Variants in CDH23 observed in about 807,000 individuals in gnomAD.
The protein encoded by CDH23 is cadherin related 23, also known as cadherin-23.
In CDH23, 189 loss-of-function variants were observed where a neutral mutation model predicts 317.1. The observed-to-expected ratio is 0.60, with a 90% CI of 0.53 to 0.67. The LOEUF is 0.67. Ranked by LOEUF, CDH23 falls within the 30% of genes least tolerant of loss-of-function variation. CDH23 has a pLI of 0.00. For missense variants in CDH23, 4,401 were observed against 4,592.4 expected (o/e 0.96, Z 1.20); for synonymous variants, 1,839 against 1,876.8 (o/e 0.98, Z 0.52).
chr10:71,815,255 C>A lies in CDH23; in HGVS notation c.10042C>A (p.Pro3348Thr), dbSNP rs745358868. 1.3e-5 allele frequency: 20 copies of A among 1,580,084 alleles called. No individual in the cohort carries two copies. Among genetic ancestry groups the A allele is most frequent in the Non-Finnish European group, 1.6e-5 (19 of 1,158,686 alleles). The change falls in exon 70 of 70, where the codon CCC (proline) becomes ACC (threonine). Residue 3348 changes from proline to threonine, a missense_variant. Physicochemically the swap from Pro to Thr is conservative, Grantham distance 38. Transcript: ENST00000224721. ...ACTTCGCGACGTGATCATGGAGACCCCCCTGGAGATCACAGAGCTGTGACT... is the reference window on the plus strand; with the variant it reads ...ACTTCGCGACGTGATCATGGAGACCACCCTGGAGATCACAGAGCTGTGACT... ...HKLRDVIMETPLEITEL is the reference protein window; with the variant it reads ...HKLRDVIMETTLEITEL
In CDH23 at chr10:71,397,156, C is replaced by T. The variant is rs886047126; in HGVS notation, c.-168C>T. ...GGCGAGCGGCGAGCGGCGAGCGGCC[C>T]GCGGAGACCCAGGAGCTGCCGGCAC... On this transcript the variant is annotated 5_prime_UTR_variant, in exon 1 of 70. Transcript: ENST00000224721. This position sits in a 1 kb window ranked among gnomAD's most constrained non-coding sequence, Gnocchi z 4.8. 4.9e-6 allele frequency: 1 copy of T among 203,642 alleles called. No individual in the cohort carries two copies. Among genetic ancestry groups the T allele is most frequent in the Non-Finnish European group, 9.7e-6 (1 of 102,726 alleles). 12.6% of individuals were successfully genotyped at this position (203,642 alleles called of 1,614,324 possible). A position where few individuals can be genotyped will look rare whatever the true frequency, so the allele number is the denominator to read the frequency against.
rs546963355 is a variant in CDH23 at position 71,690,200 on chromosome 10, C to T, written c.2060-268C>T. On this transcript the variant is annotated intron_variant, in intron 19 of 69. Transcript: ENST00000224721. The stretch of plus-strand genomic sequence containing the variant: ...AGCAGGGGCCAGGGAGACAGGAAGA[C>T]ATCAGAGGGCCCAGTCCATCCCTAA... 9.9e-5 allele frequency among the ~76,000 whole-genome samples: 15 copies of T among 152,214 alleles called. 1 individual carries two copies. In the South Asian group the frequency reaches 2.9e-3, roughly 29 times the overall value.
chr10:71,596,419 C>T (rs1413790913), intron 9 of CDH23, among the ~76,000 whole-genome samples: 23 of 152,298 alleles, frequency 1.5e-4, no homozygotes. Context: ...GACCACCCTC[C>T]TCATTGGATG....
chr10:71,701,910 G>A (rs926689565), intron 22 of CDH23, 112 bp from the exon 23 acceptor site: 5 of 1,149,522 alleles, frequency 4.3e-6, no homozygotes, highest in Admixed American at 2.1e-5. Context: ...CTGGGCCAGA[G>A]CCAGGATGTC....
chr10:71,526,686 A>G (rs1455160098), intron 6 of CDH23, among the ~76,000 whole-genome samples: 1 of 152,170 alleles, frequency 6.6e-6, no homozygotes, highest in Admixed American at 6.5e-5. Context: ...GGGGTACTGG[A>G]TGGAGGGGAA....
intron 6 of CDH23, among the ~76,000 whole-genome samples, chr10:71,565,842 G>A (rs1017484461): frequency 1.2e-4 from 18 of 152,166 alleles, no homozygotes; most frequent in Non-Finnish European, 1.5e-4. Flanking sequence ...CCAACAAATG[G>A]TCTGTCCATC....
At chr10:71,790,219 CAGGGCAGGGGAGGTGGG>C in intron 45 of CDH23, 52 bp from the exon 46 acceptor site, 1 of 1,579,852 alleles carries the variant, frequency 6.3e-7, no homozygotes, top group Middle Eastern at 1.8e-4. Flanking sequence ...CTCACCGGGA[CAGGGCAGGGGAGGTGGG>C]AGGGCAGGGG....
chr10:71,790,075 C>G (rs1178531098), intron 45 of CDH23, among the ~76,000 whole-genome samples: 1 of 152,212 alleles, frequency 6.6e-6, no homozygotes, highest in Non-Finnish European at 1.5e-5. Flanking sequence ...CTCATGTTTT[C>G]TCCCCAGCAG....
chr10:71,676,142 A>AGGTGAGGTG (rs1864359742), intron 15 of CDH23, among the ~76,000 whole-genome samples: 3 of 150,664 alleles, frequency 2.0e-5, no homozygotes, highest in African/African-American at 7.3e-5. Flanking sequence ...TCCTGACCTC[A>AGGTGAGGTG]GGTGATCCAC....
chr10:71,431,592 C>T (rs927193097), intron 1 of CDH23, among the ~76,000 whole-genome samples: 1 of 152,220 alleles, frequency 6.6e-6, no homozygotes, highest in Non-Finnish European at 1.5e-5. Flanking sequence ...ATTTCTGCAG[C>T]GCATTTCTGT....
chr10:71,447,303 A>G (rs1850218031), intron 3 of CDH23, among the ~76,000 whole-genome samples: 1 of 152,140 alleles, frequency 6.6e-6, no homozygotes, highest in South Asian at 2.1e-4. Flanking sequence ...GGTCATGTAC[A>G]CACTCTTTCA....
chr10:71,732,949 C>T (rs541870211), intron 32 of CDH23, among the ~76,000 whole-genome samples: 3 of 152,190 alleles, frequency 2.0e-5, no homozygotes, highest in Admixed American at 6.5e-5. Context: ...CCACACACCA[C>T]GCAATTCTCC....
chr10:71,490,476 C>T (rs964944007), intron 3 of CDH23, among the ~76,000 whole-genome samples: 25 of 152,098 alleles, frequency 1.6e-4, no homozygotes, highest in African/African-American at 6.0e-4. Flanking sequence ...GTAACAAGTG[C>T]CTGAGTAGGT....
intron 3 of CDH23, among the ~76,000 whole-genome samples, chr10:71,480,834 G>A (rs1485103893): frequency 6.6e-6 from 1 of 152,002 alleles, no homozygotes; most frequent in Non-Finnish European, 1.5e-5. Flanking sequence ...ATTTGGGGGT[G>A]GACTCGATAG....
chr10:71,561,660 A>G (rs1822370788), intron 6 of CDH23, among the ~76,000 whole-genome samples: 1 of 152,190 alleles, frequency 6.6e-6, no homozygotes, highest in South Asian at 2.1e-4. Flanking sequence ...CTTAAATGGG[A>G]ACTGGAAGAG....
chr10:71,727,344 T>C (rs1379235546), intron 30 of CDH23, among the ~76,000 whole-genome samples: 3 of 152,200 alleles, frequency 2.0e-5, no homozygotes, highest in Non-Finnish European at 2.9e-5. Flanking sequence ...CAGAAACCAC[T>C]GCCTCATCCC....
chr10:71,704,751 G>A (rs1865714988), intron 24 of CDH23, among the ~76,000 whole-genome samples, 160 bp from the exon 25 acceptor site: 1 of 152,180 alleles, frequency 6.6e-6, no homozygotes. Context: ...GCCTGGGAGG[G>A]TGCCCTGGGG....
At chr10:71,773,362 G>A in intron 38 of CDH23, 1 of 1,607,522 alleles carries the variant, frequency 6.2e-7, no homozygotes, top group Non-Finnish European at 8.5e-7. Context: ...CCTTACCTAG[G>A]GACGCAGCCA....
intron 1 of CDH23, among the ~76,000 whole-genome samples, chr10:71,426,078 C>A (rs1014405033): frequency 6.6e-6 from 1 of 152,126 alleles, no homozygotes; most frequent in Non-Finnish European, 1.5e-5. Context: ...ACCCCTCTGT[C>A]TTGGGGAGGG....
Sources: allele counts gnomAD v4.1 joint callset (sites outside exome capture counted in the v4.1 genomes callset), GRCh38; gene constraint gnomAD v4.1.1; non-coding constraint Gnocchi (gnomAD v3.1); transcripts MANE v1.5; gene names NCBI Gene and HGNC (gene_info 2026-07-23, HGNC 2026-07-21).